The following SWT1 variants were observed in gnomAD, a reference collection of about 807,000 sequenced individuals.
SWT1 encodes the protein SWT1 RNA endoribonuclease homolog, also known as transcriptional protein SWT1.
A neutral mutation model predicts 107.3 loss-of-function variants in SWT1; 33 were observed. The ratio of observed to expected loss-of-function variants is 0.31; its 90% CI spans 0.23 to 0.41. The LOEUF is 0.41. Among genes scored for constraint, SWT1 ranks in the 10% least tolerant of loss-of-function variants. SWT1 has a pLI of 1.00. For missense variants in SWT1, 898 were observed against 1,028.9 expected (o/e 0.87, Z 1.74); for synonymous variants, 345 against 348.3 (o/e 0.99, Z 0.11).
chr1:185,290,482 G>A (rs1435667236), intron 18 of SWT1, among the ~76,000 whole-genome samples, 192 bp from the exon 19 acceptor site: 8 of 152,012 alleles, frequency 5.3e-5, no homozygotes, highest in African/African-American at 1.9e-4. Flanking sequence ...AAAAATAAGT[G>A]TGTGGAATAA....
intron 13 of SWT1, among the ~76,000 whole-genome samples, chr1:185,212,542 T>C (rs1339611938): frequency 6.6e-6 from 1 of 152,190 alleles, no homozygotes. Context: ...GCCTAACGTT[T>C]AATGAGTTAT....
chr1:185,216,741 C>T (rs563110301), intron 14 of SWT1, among the ~76,000 whole-genome samples: 1 of 152,178 alleles, frequency 6.6e-6, no homozygotes, highest in African/African-American at 2.4e-5. Context: ...CACCTAAGGG[C>T]AGCAGTTCAG....
rs34256572 is a variant in SWT1 at position 185,221,867 on chromosome 1, C to T, written c.2140C>T (p.Pro714Ser). 15 of 1,590,742 alleles carry T rather than the reference C, an allele frequency of 9.4e-6. No homozygotes were observed. The highest frequency in any genetic ancestry group is 1.2e-5 in the South Asian group (1 of 86,582). Residue 714 changes from proline (P) to serine (S), a missense_variant, in exon 15 of 19, where the codon CCA becomes TCA. Transcript: ENST00000367500. ...TCCCCAGGTCAAGACAAAACTTAAG[C>T]CAAATTCTTCAGAAAACACAGTGAC... ...TFAEVKTKLK[P>S]NSSENTVTKK...
chr1:185,259,309 C>G (rs1662857002), intron 16 of SWT1, among the ~76,000 whole-genome samples: 1 of 152,072 alleles, frequency 6.6e-6, no homozygotes, highest in Non-Finnish European at 1.5e-5. Flanking sequence ...ATTGCCATCT[C>G]TCATAGGAGT....
chr1:185,193,109 A>G (rs1168072749), intron 10 of SWT1, among the ~76,000 whole-genome samples: 1 of 152,138 alleles, frequency 6.6e-6, no homozygotes, highest in Non-Finnish European at 1.5e-5. Flanking sequence ...TCTATTCAAT[A>G]TACTTTATAA....
At chr1:185,222,151 T>C in intron 15 of SWT1, 115 bp downstream of exon 15, 1 of 609,978 alleles carries the variant, frequency 1.6e-6, no homozygotes, top group South Asian at 5.2e-5. Context: ...ATATATGTGA[T>C]ATATAATCAA....
chr1:185,227,393 G>T, intron 15 of SWT1: 1 of 696,594 alleles, frequency 1.4e-6, no homozygotes, highest in South Asian at 1.4e-5. Context: ...CCAGCAGCAG[G>T]CCAGTACAAT....
At chr1:185,184,964 T>C in intron 9 of SWT1, 33 bp downstream of exon 9, 9 of 1,370,994 alleles carry the variant, frequency 6.6e-6, no homozygotes, top group Non-Finnish European at 8.7e-6. Flanking sequence ...GCCTCCTGAT[T>C]AATACTTGTT....
intron 10 of SWT1, 58 bp from the exon 11 acceptor site, chr1:185,202,596 A>G (rs951013374): frequency 2.0e-5 from 30 of 1,467,028 alleles, no homozygotes; most frequent in Non-Finnish European, 2.7e-5. Context: ...TTGATTTGCC[A>G]TGTGGTTTAC....
intron 10 of SWT1, 69 bp downstream of exon 10, chr1:185,190,711 G>A (rs773867015): frequency 4.2e-6 from 4 of 955,310 alleles, no homozygotes; most frequent in Non-Finnish European, 6.4e-6. Flanking sequence ...AAATCATATG[G>A]TATCCAGCAT....
chr1:185,197,081 C>T (rs1456338553), intron 10 of SWT1, among the ~76,000 whole-genome samples: 1 of 152,106 alleles, frequency 6.6e-6, no homozygotes. Flanking sequence ...GTGGTATTGG[C>T]TGTGGGTTTG....
chr1:185,284,658 T>G (rs7537341), intron 18 of SWT1, among the ~76,000 whole-genome samples: 84,220 of 152,000 alleles, frequency 0.55, 24,909 homozygotes, highest in African/African-American at 0.78. Flanking sequence ...AGTTGACAGA[T>G]ATATCATTGT....
At chr1:185,233,694 G>A (rs1660652259) in intron 16 of SWT1, among the ~76,000 whole-genome samples, 1 of 152,090 alleles carries the variant, frequency 6.6e-6, no homozygotes. Flanking sequence ...ACATTCTTTT[G>A]CATTTGCTGA....
At chr1:185,255,001 A>G (rs1662367827) in intron 16 of SWT1, among the ~76,000 whole-genome samples, 1 of 152,028 alleles carries the variant, frequency 6.6e-6, no homozygotes, top group Non-Finnish European at 1.5e-5. Flanking sequence ...GTTGGTTTCA[A>G]AGAACATCTT....
chr1:185,222,571 A>G (rs1329339253), intron 15 of SWT1, among the ~76,000 whole-genome samples: 2 of 151,934 alleles, frequency 1.3e-5, no homozygotes, highest in African/African-American at 4.8e-5. Flanking sequence ...AGCCTGGCCA[A>G]CATGGTGAAA....
intron 9 of SWT1, among the ~76,000 whole-genome samples, chr1:185,187,282 A>G (rs922675333): frequency 6.6e-5 from 10 of 151,200 alleles, no homozygotes; most frequent in Non-Finnish European, 1.3e-4. Flanking sequence ...CTGGTCTCGA[A>G]CTCCTGACCT....
Position 185,190,552 on chromosome 1 carries a change from G to T in SWT1, c.1433G>T (p.Gly478Val). The T allele has an allele frequency of 6.3e-7, 1 of 1,594,102 alleles. No individual in the cohort carries two copies. Among genetic ancestry groups the T allele is most frequent in the South Asian group, 1.1e-5 (1 of 90,284 alleles). Residue 478 changes from glycine to valine, a missense_variant, in exon 10 of 19, where the codon GGA becomes GTA. By Grantham distance (109) the Gly-to-Val change is moderately radical. Transcript: ENST00000367500. ...GTTGCCTTTACTAAATTTGCAGATG[G>T]ATTGAGTGATGAGAACAATGATGAT... ...SIQLASQKHY[G>V]LSDENNDDRV...
chr1:185,179,683 T>G (rs1655861850), intron 5 of SWT1, among the ~76,000 whole-genome samples: 1 of 152,234 alleles, frequency 6.6e-6, no homozygotes. Context: ...CTTGTTTACC[T>G]TTGCATTCAT....
At chr1:185,176,212 C>G (rs1655537261) in intron 5 of SWT1, among the ~76,000 whole-genome samples, 1 of 147,018 alleles carries the variant, frequency 6.8e-6, no homozygotes. Context: ...CACTTGAGCC[C>G]AGGAGCTCAA....
Sources: gnomAD v4.1 joint callset for allele counts (sites outside exome capture counted in the v4.1 genomes callset) on GRCh38, gnomAD v4.1.1 for gene constraint, MANE v1.5 for transcripts, NCBI Gene and HGNC (gene_info 2026-07-23, HGNC 2026-07-21) for gene names.